TANC1: variants seen among roughly 807,000 people sequenced by gnomAD.
TANC1 encodes tetratricopeptide repeat, ankyrin repeat and coiled-coil containing 1.
A neutral mutation model predicts 149.7 loss-of-function variants in TANC1; 77 were observed. The ratio of observed to expected loss-of-function variants is 0.51; its 90% CI spans 0.43 to 0.62. The LOEUF (loss-of-function observed/expected upper bound fraction) is 0.62. TANC1 is among the 20% of genes least tolerant of loss of function. The pLI is 0.00. For synonymous variants in TANC1, 854 were observed against 925.0 expected, an observed-to-expected ratio of 0.92 and a Z score of 1.39; for missense variants, 1,985 against 2,321.8, an observed-to-expected ratio of 0.85 and a Z score of 2.98.
intron 16 of TANC1, among the ~76,000 whole-genome samples, chr2:159,188,758 G>T (rs1382869048): frequency 6.6e-6 from 1 of 152,236 alleles, no homozygotes; most frequent in Non-Finnish European, 1.5e-5. Context: ...AGCCTCTTCT[G>T]GTCCTCATGA....
At chr2:159,137,961 G>T (rs1476902317) in intron 5 of TANC1, among the ~76,000 whole-genome samples, 1 of 152,182 alleles carries the variant, frequency 6.6e-6, no homozygotes, top group African/African-American at 2.4e-5. Context: ...GGCAATAAAA[G>T]GTTATAAATA....
rs59509568 is a variant in TANC1, at chr2:159,117,701, CTTTTTTTT to C, written c.260-18470_260-18463del. The stretch of plus-strand genomic sequence containing the variant: ...GTGAGCCACCGTGCCCGGCCTATTC[CTTTTTTTT>C]TTTTTTTTTTTTTTTTTTTTTTAAA... On this transcript the variant is annotated intron_variant, in intron 4 of 26. Transcript: ENST00000263635. Among the ~76,000 whole-genome samples, 122 of 113,268 alleles carry C rather than the reference CTTTTTTTT, an allele frequency of 1.1e-3. 1 individual carries two copies. The highest frequency in any genetic ancestry group is 5.5e-3 in the South Asian group (18 of 3,298). 74.3% of individuals were successfully genotyped at this position (113,268 alleles called of 152,430 possible). A position where few individuals can be genotyped will look rare whatever the true frequency, so the allele number is the denominator to read the frequency against.
chr2:159,230,751 G>T lies in TANC1; in HGVS notation c.5325G>T (p.Val1775=). 1 of 1,614,166 alleles carries T rather than the reference G, an allele frequency of 6.2e-7. No individual in the cohort carries two copies. Among genetic ancestry groups the T allele is most frequent in the South Asian group, 1.1e-5 (1 of 91,066 alleles). ...CTGAGAAGCCCTCTCTCATGCAAGT[G>T]GGAGGATATAATAACCAAGCCAAAA... ...ANTEKPSLMQ[V]GGYNNQAKTC... is the part of the protein sequence containing the mutation. Residue 1775 remains valine (V), a synonymous_variant, in exon 27 of 27, where the codon GTG becomes GTT. Coordinates refer to ENST00000263635, the MANE Select transcript of TANC1 (RefSeq NM_033394.3). The surrounding 1 kb of genome is among the most constrained non-coding windows in gnomAD (Gnocchi z 4.4).
chr2:159,018,860 C>T (rs909426966), intron 2 of TANC1, among the ~76,000 whole-genome samples: 1 of 152,136 alleles, frequency 6.6e-6, no homozygotes, highest in African/African-American at 2.4e-5. Context: ...AATATTAAAA[C>T]TTGAGGACAA....
intron 22 of TANC1, among the ~76,000 whole-genome samples, chr2:159,222,063 T>C (rs2059740502): frequency 6.6e-6 from 1 of 152,218 alleles, no homozygotes; most frequent in Admixed American, 6.5e-5. Context: ...GGCAGCGCTG[T>C]CAGAGTTCAA....
intron 14 of TANC1, among the ~76,000 whole-genome samples, 164 bp from the exon 15 acceptor site, chr2:159,185,627 T>A (rs1431857757): frequency 6.6e-6 from 1 of 152,166 alleles, no homozygotes; most frequent in East Asian, 1.9e-4. Context: ...GCTCAGCACT[T>A]TGCTAGGCAT....
chr2:159,219,269 A>T lies in TANC1; in HGVS notation c.3410A>T (p.Asp1137Val). 17 of 1,614,176 alleles carry T rather than the reference A, an allele frequency of 1.1e-5. No individual in the cohort carries two copies. Among genetic ancestry groups the T allele is most frequent in the Non-Finnish European group, 1.4e-5 (17 of 1,180,036 alleles). The stretch of plus-strand genomic sequence containing the variant: ...AGACTGCTGTTGGAACGCGGCTGTG[A>T]TGTGAACCTAAGTGACAAGCAAGGC... ...IVRLLLERGC[D>V]VNLSDKQGRT... Residue 1137 changes from aspartate (D) to valine (V), a missense_variant, in exon 21 of 27, where the codon GAT becomes GTT. This residue lies in a region of TANC1 where 920 missense variants were observed against 994.7 expected (regional missense o/e 0.92). Transcript: ENST00000263635.
At chr2:159,153,344 C>T (rs1224820152) in intron 7 of TANC1, among the ~76,000 whole-genome samples, 1 of 152,190 alleles carries the variant, frequency 6.6e-6, no homozygotes, top group Non-Finnish European at 1.5e-5. Flanking sequence ...AACATTTTCC[C>T]ATAACTCGGC....
At chr2:159,081,387 T>C (rs2044256330) in intron 3 of TANC1, among the ~76,000 whole-genome samples, 1 of 151,866 alleles carries the variant, frequency 6.6e-6, no homozygotes. Flanking sequence ...GACCACCTGT[T>C]CTTGCCCCAC....
intron 2 of TANC1, among the ~76,000 whole-genome samples, chr2:159,018,771 T>C (rs1470878298): frequency 1.3e-5 from 2 of 152,222 alleles, no homozygotes; most frequent in East Asian, 3.9e-4. Context: ...GCTCTAGTAA[T>C]TCTTAAGTTG....
chr2:158,987,346 C>A (rs2035123843), intron 1 of TANC1, among the ~76,000 whole-genome samples: 1 of 151,554 alleles, frequency 6.6e-6, no homozygotes, highest in Admixed American at 6.6e-5. Flanking sequence ...GGCAACATGG[C>A]AAAACCCCAT....
intron 2 of TANC1, among the ~76,000 whole-genome samples, chr2:159,031,759 TATGTG>T (rs1446132968): frequency 6.6e-6 from 1 of 152,222 alleles, no homozygotes; most frequent in Non-Finnish European, 1.5e-5. Flanking sequence ...TGATTAAAGA[TATGTG>T]AGGTGAGGTT....
chr2:159,157,034 G>T (rs993315055), intron 7 of TANC1, among the ~76,000 whole-genome samples: 2 of 152,220 alleles, frequency 1.3e-5, no homozygotes, highest in African/African-American at 4.8e-5. Flanking sequence ...TAGAAATTTC[G>T]TACAGAGATC....
intron 1 of TANC1, among the ~76,000 whole-genome samples, chr2:158,994,713 T>G (rs2035980198): frequency 6.6e-6 from 1 of 152,268 alleles, no homozygotes; most frequent in African/African-American, 2.4e-5. Flanking sequence ...AACTTTGTAA[T>G]CAAGTTGATT....
At chr2:159,153,833 G>A (rs1296712099) in intron 7 of TANC1, among the ~76,000 whole-genome samples, 2 of 152,188 alleles carry the variant, frequency 1.3e-5, no homozygotes, top group African/African-American at 4.8e-5. Context: ...TTTTTATAAG[G>A]TGTAGCCTGG....
At chr2:158,994,435 A>C (rs1029813515) in intron 1 of TANC1, among the ~76,000 whole-genome samples, 5 of 152,012 alleles carry the variant, frequency 3.3e-5, no homozygotes, top group Non-Finnish European at 5.9e-5. Context: ...AAACCCTGCT[A>C]ATCTTTTATT....
chr2:159,162,531 G>C (rs898808989), intron 7 of TANC1, among the ~76,000 whole-genome samples: 1 of 152,170 alleles, frequency 6.6e-6, no homozygotes, highest in Admixed American at 6.5e-5. Flanking sequence ...GTATTGCTTC[G>C]CTTTTTGACC....
chr2:159,048,521 G>A (rs1304514098), intron 2 of TANC1, among the ~76,000 whole-genome samples: 1 of 152,186 alleles, frequency 6.6e-6, no homozygotes, highest in Middle Eastern at 3.2e-3. Context: ...TTTTTGAAAA[G>A]TTGTGTTCAA....
chr2:159,212,063 C>T (rs1465174600), intron 19 of TANC1, among the ~76,000 whole-genome samples: 1 of 152,220 alleles, frequency 6.6e-6, no homozygotes, highest in African/African-American at 2.4e-5. Flanking sequence ...GCTGCTGTTG[C>T]AAAAATTCAG....
Sources: allele counts gnomAD v4.1 joint callset (sites outside exome capture counted in the v4.1 genomes callset), GRCh38; gene constraint gnomAD v4.1.1; regional missense constraint gnomAD v4.1.1; non-coding constraint Gnocchi (gnomAD v3.1); transcripts MANE v1.5; gene names NCBI Gene and HGNC (gene_info 2026-07-23, HGNC 2026-07-21).